Variants in VTI1A observed in about 807,000 individuals in gnomAD.
VTI1A encodes vesicle transport through interaction with t-SNAREs 1A, also known as vesicle transport through interaction with t-SNAREs homolog 1A.
A neutral mutation model predicts 34.9 loss-of-function variants in VTI1A; 22 were observed. The ratio of observed to expected loss-of-function variants is 0.63; its 90% CI spans 0.45 to 0.90. VTI1A has a LOEUF of 0.90. VTI1A is among the 40% of genes least tolerant of loss of function. The pLI is 0.00. For synonymous variants in VTI1A, 87 were observed against 97.3 expected (o/e 0.89, Z 0.62); for missense variants, 268 against 275.6 (o/e 0.97, Z 0.20).
At chr10:112,486,135 A>G (rs1848618155) in intron 3 of VTI1A, among the ~76,000 whole-genome samples, 1 of 152,206 alleles carries the variant, frequency 6.6e-6, no homozygotes, top group African/African-American at 2.4e-5. Flanking sequence ...GTCTGTGCTA[A>G]GATCAAACAG....
chr10:112,527,563 A>T (rs1463840596), intron 4 of VTI1A, among the ~76,000 whole-genome samples: 2 of 152,254 alleles, frequency 1.3e-5, no homozygotes, highest in East Asian at 3.9e-4. Flanking sequence ...AAACAAATGA[A>T]AGTAAGCTTT....
chr10:112,509,867 T>C (rs1274502114), intron 3 of VTI1A, among the ~76,000 whole-genome samples: 3 of 152,196 alleles, frequency 2.0e-5, no homozygotes, highest in African/African-American at 7.2e-5. Flanking sequence ...AGCTTCTTTG[T>C]GAAAGGTAAG....
intron 5 of VTI1A, among the ~76,000 whole-genome samples, chr10:112,547,000 G>T (rs895162698): frequency 6.6e-6 from 1 of 152,088 alleles, no homozygotes; most frequent in African/African-American, 2.4e-5. Flanking sequence ...TAAACTGCAG[G>T]CTGGCAGCAG....
rs180706620 is a variant in VTI1A at position 112,576,672 on chromosome 10, C to T, written c.427+38342C>T. On this transcript the variant is annotated intron_variant, in intron 5 of 7. Coordinates refer to ENST00000393077, the MANE Select transcript of VTI1A (RefSeq NM_145206.4). ...TAATATTTTAATGATGCATTACTTT[C>T]CTAATCAGACGAAGATTAAAAATAA... Among the ~76,000 whole-genome samples the T allele has an allele frequency of 2.2e-3, 341 of 152,272 alleles. 1 individual carries two copies. Among genetic ancestry groups the T allele is most frequent in the African/African-American group, 7.3e-3 (303 of 41,542 alleles).
chr10:112,734,826 T>G (rs1364977878), intron 7 of VTI1A, among the ~76,000 whole-genome samples: 1 of 152,014 alleles, frequency 6.6e-6, no homozygotes, highest in Non-Finnish European at 1.5e-5. Flanking sequence ...CTAATTTTTT[T>G]GTATTTTTGG....
At chr10:112,562,363 A>G (rs1851752378) in intron 5 of VTI1A, among the ~76,000 whole-genome samples, 1 of 152,082 alleles carries the variant, frequency 6.6e-6, no homozygotes, top group Non-Finnish European at 1.5e-5. Flanking sequence ...CTGCTTGGCA[A>G]ATGTTTATTT....
chr10:112,638,410 A>G (rs1163714061), intron 5 of VTI1A, among the ~76,000 whole-genome samples: 1 of 152,210 alleles, frequency 6.6e-6, no homozygotes, highest in Non-Finnish European at 1.5e-5. Context: ...TAAACAAACA[A>G]GCTAGAAAAT....
At chr10:112,708,178 T>C (rs978317096) in intron 7 of VTI1A, among the ~76,000 whole-genome samples, 1 of 152,250 alleles carries the variant, frequency 6.6e-6, no homozygotes, top group African/African-American at 2.4e-5. Context: ...GTGTAAAGTA[T>C]GTAATTTCAC....
chr10:112,708,645 G>A (rs577824494), intron 7 of VTI1A, among the ~76,000 whole-genome samples: 1 of 152,158 alleles, frequency 6.6e-6, no homozygotes, highest in East Asian at 1.9e-4. Context: ...TGACAGAAGC[G>A]AGTCACCAGC....
chr10:112,562,261 A>G (rs988153826), intron 5 of VTI1A, among the ~76,000 whole-genome samples: 2 of 152,164 alleles, frequency 1.3e-5, no homozygotes, highest in African/African-American at 4.8e-5. Flanking sequence ...GAAACAGTCT[A>G]TATTTTTTCA....
intron 5 of VTI1A, among the ~76,000 whole-genome samples, chr10:112,585,214 C>T (rs951476578): frequency 6.6e-6 from 1 of 152,118 alleles, no homozygotes; most frequent in Non-Finnish European, 1.5e-5. Flanking sequence ...GCAGACAGTA[C>T]GAGACATGAA....
chr10:112,720,549 T>C (rs1477492772), intron 7 of VTI1A, among the ~76,000 whole-genome samples: 3 of 152,332 alleles, frequency 2.0e-5, no homozygotes, highest in Non-Finnish European at 4.4e-5. Flanking sequence ...AAAAATTCTT[T>C]TGCCTCACCT....
chr10:112,712,771 A>G (rs943219305), intron 7 of VTI1A, among the ~76,000 whole-genome samples: 7 of 152,298 alleles, frequency 4.6e-5, no homozygotes, highest in East Asian at 1.9e-4. Flanking sequence ...TCTGTTGCCA[A>G]TGGAGACTGG....
chr10:112,759,441 A>G (rs983120081), intron 7 of VTI1A, among the ~76,000 whole-genome samples: 15 of 152,228 alleles, frequency 9.9e-5, no homozygotes, highest in African/African-American at 3.6e-4. Flanking sequence ...AATAAACTTA[A>G]TAAAATCCAT....
chr10:112,711,560 C>T (rs1457478852), intron 7 of VTI1A, among the ~76,000 whole-genome samples: 2 of 152,194 alleles, frequency 1.3e-5, no homozygotes, highest in Middle Eastern at 3.2e-3. Flanking sequence ...AGGCCATACT[C>T]CCTGACCATA....
intron 7 of VTI1A, among the ~76,000 whole-genome samples, chr10:112,755,534 G>A (rs1851254943): frequency 2.0e-5 from 3 of 152,136 alleles, no homozygotes; most frequent in Non-Finnish European, 4.4e-5. Context: ...GTCCCTGCAC[G>A]GAGCAGCGCC....
intron 7 of VTI1A, among the ~76,000 whole-genome samples, chr10:112,691,298 TA>T (rs1257890850): frequency 6.6e-6 from 1 of 150,500 alleles, no homozygotes; most frequent in East Asian, 1.9e-4. Flanking sequence ...AATAAATAAA[TA>T]AATAAATGAA....
chr10:112,521,684 C>G (rs1850033438), intron 3 of VTI1A, among the ~76,000 whole-genome samples: 1 of 152,048 alleles, frequency 6.6e-6, no homozygotes. Flanking sequence ...TTCCATCCAT[C>G]CTAACAATGT....
At chr10:112,525,139 A>G (rs1388031928) in intron 3 of VTI1A, among the ~76,000 whole-genome samples, 1 of 152,194 alleles carries the variant, frequency 6.6e-6, no homozygotes, top group African/African-American at 2.4e-5. Context: ...ATGTTCACAA[A>G]TGACTGAGTT....
Sources: allele counts gnomAD v4.1 joint callset (sites outside exome capture counted in the v4.1 genomes callset), GRCh38; gene constraint gnomAD v4.1.1; transcripts MANE v1.5; gene names NCBI Gene and HGNC (gene_info 2026-07-23, HGNC 2026-07-21).